USP34: variants seen among roughly 807,000 people sequenced by gnomAD.
USP34 encodes the protein ubiquitin specific peptidase 34, also known as ubiquitin carboxyl-terminal hydrolase 34.
In USP34, 70 loss-of-function variants were observed where a neutral mutation model predicts 460.3. The observed-to-expected ratio is 0.15, with a 90% CI of 0.13 to 0.19. The LOEUF (loss-of-function observed/expected upper bound fraction) is 0.19. USP34 is among the 10% of genes least tolerant of loss of function. USP34 has a pLI of 1.00. For synonymous variants in USP34, 1,647 were observed against 1,405.3 expected, an observed-to-expected ratio of 1.17 and a Z score of -3.85; for missense variants, 3,985 against 4,236.2, an observed-to-expected ratio of 0.94 and a Z score of 1.65.
intron 43 of USP34, among the ~76,000 whole-genome samples, chr2:61,261,023 C>G (rs1273046954): frequency 6.6e-6 from 1 of 152,136 alleles, no homozygotes. Context: ...CAGAAAATGT[C>G]AAGTGTTAGC....
intron 2 of USP34, among the ~76,000 whole-genome samples, chr2:61,419,147 G>A (rs1192049494): frequency 3.3e-5 from 5 of 152,036 alleles, no homozygotes; most frequent in Non-Finnish European, 5.9e-5. Flanking sequence ...CACAGGTGAT[G>A]AAGCAGGACT....
chr2:61,198,142 TAC>T (rs370661156), intron 75 of USP34, among the ~76,000 whole-genome samples: 17 of 152,342 alleles, frequency 1.1e-4, no homozygotes, highest in African/African-American at 3.8e-4. Context: ...ATTTAAACCT[TAC>T]AGATATATTT....
At chr2:61,423,151 T>C (rs535903558) in intron 1 of USP34, among the ~76,000 whole-genome samples, 9 of 152,330 alleles carry the variant, frequency 5.9e-5, no homozygotes, top group African/African-American at 2.2e-4. Flanking sequence ...TCTCACTCTT[T>C]TGCCCAGGCT....
At chr2:61,313,399 CT>C (rs1690654039) in intron 25 of USP34, among the ~76,000 whole-genome samples, 1 of 152,026 alleles carries the variant, frequency 6.6e-6, no homozygotes, top group Non-Finnish European at 1.5e-5. Flanking sequence ...TGTGCAAGGA[CT>C]AAGGGTGTGA....
intron 18 of USP34, among the ~76,000 whole-genome samples, chr2:61,335,459 A>G (rs2103741118): frequency 6.6e-6 from 1 of 152,358 alleles, no homozygotes; most frequent in East Asian, 1.9e-4. Context: ...GCAACCACAA[A>G]GGCTCAATGG....
chr2:61,302,151 A>G (rs1040415269), intron 27 of USP34, among the ~76,000 whole-genome samples: 3 of 152,204 alleles, frequency 2.0e-5, no homozygotes, highest in African/African-American at 7.2e-5. Flanking sequence ...AAATGATTAG[A>G]GCAGGAAAAT....
chr2:61,259,169 G>C (rs568204944), intron 44 of USP34, among the ~76,000 whole-genome samples: 1 of 152,114 alleles, frequency 6.6e-6, no homozygotes, highest in East Asian at 1.9e-4. Context: ...TGAGGGAGGA[G>C]AATCACTTGA....
Position 61,288,126 on chromosome 2 carries a change from C to T in USP34, c.4749+551G>A, listed in dbSNP as rs76854450. Reference sequence around the variant, plus strand: ...ACTCCTAGCACCAGCTTTATCAGGTCCCCTCTGATAATCTTATAGCAGATG... The same window carrying T: ...ACTCCTAGCACCAGCTTTATCAGGTTCCCTCTGATAATCTTATAGCAGATG... On this transcript the variant is annotated intron_variant, in intron 34 of 79. Transcript: ENST00000398571. 2.2e-3 allele frequency among the ~76,000 whole-genome samples: 338 copies of T among 152,292 alleles called. 3 individuals are homozygous for T. The highest frequency in any genetic ancestry group is 7.9e-3 in the African/African-American group (327 of 41,564).
intron 1 of USP34, 34 bp downstream of exon 1, chr2:61,470,616 T>C (rs1695927780): frequency 2.6e-6 from 4 of 1,516,146 alleles, no homozygotes; most frequent in Non-Finnish European, 3.6e-6. Context: ...CCCCAAACCG[T>C]GCACCCCGAC....
intron 27 of USP34, among the ~76,000 whole-genome samples, chr2:61,301,813 T>C (rs1690234497): frequency 2.0e-5 from 3 of 152,184 alleles, no homozygotes; most frequent in Admixed American, 2.0e-4. Flanking sequence ...TCTCATCCAA[T>C]GGGAGCTTTT....
intron 35 of USP34, 41 bp downstream of exon 35, chr2:61,284,834 T>G (rs1216193906): frequency 6.9e-7 from 1 of 1,456,002 alleles, no homozygotes; most frequent in East Asian, 2.3e-5. Flanking sequence ...ATTATATTCC[T>G]GCTATACATA....
At chr2:61,294,298 A>G (rs1006154376) in intron 32 of USP34, among the ~76,000 whole-genome samples, 1 of 151,798 alleles carries the variant, frequency 6.6e-6, no homozygotes, top group African/African-American at 2.4e-5. Context: ...GCAAGCAGAG[A>G]TCGCGCTGCT....
chr2:61,358,455 G>A (rs1243451115), intron 10 of USP34, among the ~76,000 whole-genome samples: 1 of 151,662 alleles, frequency 6.6e-6, no homozygotes, highest in African/African-American at 2.4e-5. Flanking sequence ...AAAATTCTCA[G>A]AAAACTAAAA....
chr2:61,347,197 G>T (rs1221878379), intron 15 of USP34, among the ~76,000 whole-genome samples: 1 of 152,040 alleles, frequency 6.6e-6, no homozygotes. Context: ...GAATTAAAGG[G>T]TGGCTGGTCT....
intron 30 of USP34, among the ~76,000 whole-genome samples, chr2:61,295,598 T>C (rs1173016822): frequency 6.6e-6 from 1 of 152,332 alleles, no homozygotes; most frequent in East Asian, 1.9e-4. Flanking sequence ...GTGGGTAAAC[T>C]TCTAAAGATG....
chr2:61,385,638 C>A (rs1418490857), intron 5 of USP34, among the ~76,000 whole-genome samples: 1 of 133,278 alleles, frequency 7.5e-6, no homozygotes, highest in East Asian at 2.3e-4. Flanking sequence ...TGCCACTGCA[C>A]TCCAGCCTGG....
At chr2:61,364,393 C>G (rs576228274) in intron 10 of USP34, among the ~76,000 whole-genome samples, 7 of 152,192 alleles carry the variant, frequency 4.6e-5, no homozygotes, top group African/African-American at 1.7e-4. Flanking sequence ...CAGAAGAAAC[C>G]AGGGGCTGAA....
intron 10 of USP34, among the ~76,000 whole-genome samples, chr2:61,365,756 T>A (rs747692923): frequency 6.6e-6 from 1 of 152,028 alleles, no homozygotes; most frequent in South Asian, 2.1e-4. Context: ...TTTGATAAAA[T>A]ACAAGTAACA....
intron 6 of USP34, 36 bp downstream of exon 6, chr2:61,383,233 C>T: frequency 7.0e-7 from 1 of 1,435,780 alleles, no homozygotes; most frequent in Non-Finnish European, 9.6e-7. Flanking sequence ...ATATATTACA[C>T]TGATAATCGG....
Sources: allele counts gnomAD v4.1 joint callset (sites outside exome capture counted in the v4.1 genomes callset), GRCh38; gene constraint gnomAD v4.1.1; transcripts MANE v1.5; gene names NCBI Gene and HGNC (gene_info 2026-07-23, HGNC 2026-07-21).